Variants in P2RX6 observed in about 807,000 individuals in gnomAD.
P2RX6 encodes the protein P2X purinoceptor 6.
In P2RX6, 62 loss-of-function variants were observed where a neutral mutation model predicts 54.2. The observed-to-expected ratio is 1.14, with a 90% CI of 0.93 to 1.41. The LOEUF is 1.41. P2RX6 is among the 40% of genes most tolerant of loss of function. P2RX6 has a pLI of 0.00. For synonymous variants in P2RX6, 211 were observed against 231.9 expected (o/e 0.91, Z 0.82); for missense variants, 541 against 566.3 (o/e 0.96, Z 0.45).
At position 21,022,701 on chromosome 22, in the gene P2RX6, G is replaced by A; in HGVS notation, c.413G>A (p.Cys138Tyr). 6.3e-7 allele frequency: 1 copy of A among 1,575,654 alleles called. No homozygotes were observed. The highest frequency in any genetic ancestry group is 8.6e-7 in the Non-Finnish European group (1 of 1,162,056). Residue 138 changes from cysteine (C) to tyrosine (Y), a missense_variant, in exon 4 of 12, where the codon TGC becomes TAC. Transcript: ENST00000413302. ...CACCCGTCCGTCCCACTGGCTAACT[G>A]CTGGGTCGACGAGGACTGCCCCGAA... ...PEHPSVPLAN[C>Y]WVDEDCPEGE...
At chr22:21,025,263 C>A (rs1299664909) in intron 8 of P2RX6, among the ~76,000 whole-genome samples, 3 of 152,140 alleles carry the variant, frequency 2.0e-5, no homozygotes, top group African/African-American at 7.2e-5. Flanking sequence ...CCGAGCGTCA[C>A]CTCGTCATGC....
intron 1 of P2RX6, 108 bp from the exon 2 acceptor site, chr22:21,015,834 G>A: frequency 8.4e-7 from 1 of 1,187,804 alleles, no homozygotes. Context: ...TCGATGTTGG[G>A]CCGGGAGCCT....
chr22:21,026,701 G>A lies in P2RX6; in HGVS notation c.*84G>A. ...TCAAGGATGAGGCCCCAGCATGGAG[G>A]ATTGGGGGTAGAATTCCACCCTTGA... On this transcript the variant is annotated 3_prime_UTR_variant, in exon 12 of 12. Transcript: ENST00000413302. This position sits in a 1 kb window ranked among gnomAD's most constrained non-coding sequence, Gnocchi z 4.0. 6.7e-7 allele frequency: 1 copy of A among 1,495,020 alleles called. No individual in the cohort carries two copies. The highest frequency in any genetic ancestry group is 1.4e-5 in the African/African-American group (1 of 71,986). The allele number at this position is 1,495,020 out of a possible 1,614,324, so 92.6% of individuals were successfully genotyped here. A position where few individuals can be genotyped will look rare whatever the true frequency, so the allele number is the denominator to read the frequency against.
At chr22:21,017,943 A>T (rs1185718398) in intron 2 of P2RX6, 46 bp from the exon 3 acceptor site, 1 of 1,274,032 alleles carries the variant, frequency 7.8e-7, no homozygotes, top group Non-Finnish European at 1.1e-6. Flanking sequence ...CGGCCTTTCC[A>T]GTCAACACGA....
At chr22:21,024,878 G>GC (rs1555942104) in intron 8 of P2RX6, among the ~76,000 whole-genome samples, 6 of 110,758 alleles carry the variant, frequency 5.4e-5, no homozygotes, top group Non-Finnish European at 8.6e-5. Context: ...TTTTTTTTGT[G>GC]TTTTTTTTTT....
At chr22:21,011,684 G>A (rs1011005917), upstream of P2RX6, 7 of 654,850 alleles carry the variant, frequency 1.1e-5, no homozygotes, top group Non-Finnish European at 2.8e-6. Flanking sequence ...CTCCAGGTCT[G>A]AGGCAGAGGA....
chr22:21,016,157 C>T, intron 2 of P2RX6, 65 bp downstream of exon 2: 5 of 1,467,362 alleles, frequency 3.4e-6, no homozygotes, highest in Non-Finnish European at 4.6e-6. Context: ...TGAACACCCG[C>T]CATGCAGCCA....
At chr22:21,015,079 T>G, upstream of P2RX6, 1 of 690,358 alleles carries the variant, frequency 1.4e-6, no homozygotes, top group Non-Finnish European at 2.3e-6. Flanking sequence ...GGATCCTGCT[T>G]TAGTGGAAGT....
At chr22:21,011,662 C>T, upstream of P2RX6, 2 of 689,986 alleles carry the variant, frequency 2.9e-6, no homozygotes, top group Non-Finnish European at 2.7e-6. Context: ...CCTCTTCTGC[C>T]ATCCCCCAAA....
chr22:21,010,381 C>T (rs1281342175), upstream of P2RX6: 1 of 152,178 alleles, frequency 6.6e-6, no homozygotes, highest in Non-Finnish European at 1.5e-5. Flanking sequence ...TTCACTGACT[C>T]CCAGTAGTAA....
At chr22:21,024,846 C>T (rs1928111938) in intron 8 of P2RX6, among the ~76,000 whole-genome samples, 2 of 149,708 alleles carry the variant, frequency 1.3e-5, no homozygotes, top group Non-Finnish European at 3.0e-5. Flanking sequence ...GCTGGGATTA[C>T]AGGCATGAGC....
rs1016797705 is a variant in P2RX6 at position 21,015,994 on chromosome 22, T to A, written c.217T>A (p.Phe73Ile). ...GYQERDLEPQ[F>I]SIITKLKGVS... ...CCAGGAGCGGGACCTGGAACCCCAG[T>A]TTTCCATCATCACCAAACTCAAAGG... The change falls in exon 2 of 12, where the codon TTT (phenylalanine) becomes ATT (isoleucine). Residue 73 changes from phenylalanine to isoleucine, a missense_variant. Phe to Ile is a conservative substitution (Grantham distance 21). Transcript: ENST00000413302. The A allele has an allele frequency of 4.5e-6, 7 of 1,550,386 alleles. No homozygotes were observed. The highest frequency in any genetic ancestry group is 5.2e-6 in the Non-Finnish European group (6 of 1,147,350).
At chr22:21,025,633 CTTCGTTTGCTTT>C (rs1388536253) in intron 8 of P2RX6, among the ~76,000 whole-genome samples, 160 bp from the exon 9 acceptor site, 1 of 152,206 alleles carries the variant, frequency 6.6e-6, no homozygotes, top group East Asian at 1.9e-4. Flanking sequence ...AGGGACAGGT[CTTCGTTTGCTTT>C]TTCTGTTTTC....
Position 21,026,512 on chromosome 22 carries a change from A to T in P2RX6, c.1221A>T (p.Ser407=). ...ARLAECLRRS[S]APAPTATAAG... ...TGGCCGAGTGCCTCAGACGGAGCTC[A>T]GCACCTGCACCCACGGCCACTGCTG... Residue 407 remains serine (S), a synonymous_variant, in exon 12 of 12, where the codon TCA becomes TCT. Transcript: ENST00000413302. The surrounding 1 kb of genome is among the most constrained non-coding windows in gnomAD (Gnocchi z 4.0). 6.3e-7 allele frequency: 1 copy of T among 1,594,558 alleles called. No individual in the cohort carries two copies. Among genetic ancestry groups the T allele is most frequent in the Non-Finnish European group, 8.5e-7 (1 of 1,171,314 alleles).
chr22:21,011,811 C>T (rs985130399), upstream of P2RX6, among the ~76,000 whole-genome samples: 23 of 152,138 alleles, frequency 1.5e-4, no homozygotes, highest in Admixed American at 2.6e-4. Flanking sequence ...CTGTGTCAAG[C>T]GGTTAAAACT....
At chr22:21,022,810 T>G in intron 4 of P2RX6, 59 bp downstream of exon 4, 2 of 1,488,740 alleles carry the variant, frequency 1.3e-6, no homozygotes, top group Non-Finnish European at 1.8e-6. Flanking sequence ...GCTGGGATCC[T>G]GGGTGGCTCC....
At chr22:21,012,598 C>T (rs1428869428), upstream of P2RX6, 5 of 608,466 alleles carry the variant, frequency 8.2e-6, no homozygotes, top group Admixed American at 9.3e-5. Flanking sequence ...CCCACTGTCC[C>T]AAAAGTTCAG....
At chr22:21,020,752 C>T (rs546264833) in intron 3 of P2RX6, among the ~76,000 whole-genome samples, 19 of 152,006 alleles carry the variant, frequency 1.2e-4, no homozygotes, top group East Asian at 3.9e-4. Flanking sequence ...CCACCACACT[C>T]GGCTAATTTT....
Position 21,023,392 on chromosome 22 carries a change from G to A in P2RX6, c.756G>A (p.Gly252=). The change falls in exon 7 of 12, where the codon GGG becomes GGA. Residue 252 remains glycine (G), a synonymous_variant. Transcript: ENST00000413302. ...GGGACCTCGTGGCCAAGGCTGGAGG[G>A]ACCTTCGAGGACCTGGCGTTGCTGG... is the stretch of plus-strand genomic sequence containing the variant. ...RIGDLVAKAG[G]TFEDLALLGG... is the part of the protein sequence containing the mutation. The A allele has an allele frequency of 6.2e-7, 1 of 1,614,026 alleles. No homozygotes were observed. The highest frequency in any genetic ancestry group is 1.1e-5 in the South Asian group (1 of 91,080).
Sources: gnomAD v4.1 joint callset for allele counts (sites outside exome capture counted in the v4.1 genomes callset) on GRCh38, gnomAD v4.1.1 for gene constraint, Gnocchi (gnomAD v3.1) non-coding constraint, MANE v1.5 for transcripts, NCBI Gene and HGNC (gene_info 2026-07-23, HGNC 2026-07-21) for gene names.